NOD2: variants seen among roughly 807,000 people sequenced by gnomAD.
NOD2 encodes the protein nucleotide-binding oligomerization domain-containing protein 2.
NOD2 carries 86 observed loss-of-function variants against 90.9 expected under a neutral mutation model. The ratio of observed to expected loss-of-function variants is 0.95; its 90% CI spans 0.79 to 1.13. The LOEUF is 1.13. Ranked by LOEUF, NOD2 falls within the 50% of genes most tolerant of loss-of-function variation. NOD2 has a pLI of 0.00. For synonymous variants in NOD2, 581 were observed against 554.6 expected (o/e 1.05, Z -0.67); for missense variants, 1,238 against 1,283.8 (o/e 0.96, Z 0.55).
intron 11 of NOD2, among the ~76,000 whole-genome samples, chr16:50,731,497 G>A (rs1458254302): frequency 1.3e-5 from 2 of 152,178 alleles, no homozygotes; most frequent in African/African-American, 4.8e-5. Context: ...GCCTTGGGGA[G>A]TCTGTGGCTG....
At chr16:50,705,234 T>G (rs1293157352) in intron 2 of NOD2, among the ~76,000 whole-genome samples, 1 of 152,246 alleles carries the variant, frequency 6.6e-6, no homozygotes, top group Non-Finnish European at 1.5e-5. Context: ...ATCTTACTCT[T>G]GTTTTATGGA....
At chr16:50,723,278 T>C (rs1279126242) in intron 8 of NOD2, 23 bp from the exon 9 acceptor site, 2 of 1,611,124 alleles carry the variant, frequency 1.2e-6, no homozygotes, top group African/African-American at 2.7e-5. Context: ...TCTGACATAC[T>C]TTTGTTCCAT....
intron 10 of NOD2, chr16:50,727,563 C>T: frequency 3.5e-6 from 1 of 284,004 alleles, no homozygotes; most frequent in Admixed American, 3.9e-5. Flanking sequence ...TCTGCATCCT[C>T]CTGGTTGTGG....
intron 2 of NOD2, among the ~76,000 whole-genome samples, chr16:50,701,894 A>C (rs1490908624): frequency 6.6e-6 from 1 of 152,190 alleles, no homozygotes; most frequent in Non-Finnish European, 1.5e-5. Flanking sequence ...GAAATTTACA[A>C]CCTTAGGTGC....
At chr16:50,710,454 T>G in intron 3 of NOD2, 104 bp from the exon 4 acceptor site, 1 of 1,520,476 alleles carries the variant, frequency 6.6e-7, no homozygotes, top group Non-Finnish European at 9.1e-7. Context: ...CTGGCTCTCC[T>G]ATCCCTTCAG....
intron 10 of NOD2, chr16:50,727,511 A>C (rs1965308216): frequency 4.2e-6 from 1 of 239,076 alleles, no homozygotes. Flanking sequence ...TGTAGCATAA[A>C]AATTCATGCT....
intron 4 of NOD2, among the ~76,000 whole-genome samples, chr16:50,713,792 C>T (rs1157464852): frequency 1.3e-5 from 2 of 152,110 alleles, no homozygotes; most frequent in South Asian, 2.1e-4. Flanking sequence ...TGGAAGAATA[C>T]CGCTTGGCCC....
intron 1 of NOD2, chr16:50,697,815 A>G: frequency 4.8e-6 from 1 of 209,732 alleles, no homozygotes; most frequent in Non-Finnish European, 9.9e-6. Context: ...GCGTTCTGAG[A>G]GATTGGAGCT....
intron 7 of NOD2, among the ~76,000 whole-genome samples, chr16:50,721,374 T>TTTTG (rs1192135415): frequency 2.0e-5 from 3 of 150,780 alleles, no homozygotes; most frequent in East Asian, 1.9e-4. Flanking sequence ...TGGTTTTTTT[T>TTTTG]TTTGTTTGTT....
chr16:50,715,270 T>A (rs1227691861), intron 4 of NOD2, among the ~76,000 whole-genome samples: 1 of 152,234 alleles, frequency 6.6e-6, no homozygotes, highest in East Asian at 1.9e-4. Flanking sequence ...ACTGGCTTGT[T>A]GTGAGGATGA....
At position 50,711,640 on chromosome 16, in the gene NOD2, C is replaced by T; in HGVS notation, c.1648C>T (p.Pro550Ser). 1 of 1,612,796 alleles carries T rather than the reference C, an allele frequency of 6.2e-7. No homozygotes were observed. Among genetic ancestry groups the T allele is most frequent in the Non-Finnish European group, 8.5e-7 (1 of 1,179,982 alleles). Residue 550 changes from proline to serine, a missense_variant, in exon 4 of 12, where the codon CCT becomes TCT. Physicochemically the swap from Pro to Ser is moderately conservative, Grantham distance 74. Around this residue, in one of 3 missense-constraint regions of NOD2, gnomAD observed 667 missense variants for 688.7 expected, o/e 0.97. Transcript: ENST00000647318. ...AQQLQAAQVS[P>S]DDISLGFLVR... ...GCAGCTCCAGGCAGCACAGGTCAGC[C>T]CTGATGACATTTCTCTTGGCTTCCT...
chr16:50,731,890 G>C lies in NOD2; in HGVS notation c.*71G>C. ...TGAGTTTGGGCCCCAGAGGCTGGGT[G>C]ACATGTGTTGGCAGCCTCTTCAAAA... On this transcript the variant is annotated 3_prime_UTR_variant, in exon 12 of 12. Transcript: ENST00000647318. The C allele has an allele frequency of 8.6e-7, 1 of 1,165,914 alleles. No individual in the cohort carries two copies. Among genetic ancestry groups the C allele is most frequent in the African/African-American group, 1.5e-5 (1 of 66,306 alleles). The allele number at this position is 1,165,914 out of a possible 1,614,324, so 72.2% of individuals were successfully genotyped here.
At chr16:50,697,855 T>C (rs1596821026) in intron 1 of NOD2, 1 of 200,604 alleles carries the variant, frequency 5.0e-6, no homozygotes, top group East Asian at 1.4e-4. Context: ...GGCTACCGTA[T>C]GAGGACGGAT....
At chr16:50,728,261 C>A in intron 10 of NOD2, 1 of 294,970 alleles carries the variant, frequency 3.4e-6, no homozygotes. Context: ...CCAGTACACT[C>A]CTCATCTTCA....
At position 50,729,863 on chromosome 16, in the gene NOD2, G is replaced by A. The variant is rs773388366; in HGVS notation, c.2931G>A (p.Leu977=). 6.8e-6 allele frequency: 11 copies of A among 1,612,912 alleles called. No homozygotes were observed. The Admixed American group carries it at 1.7e-4, about 24-fold the overall frequency. Residue 977 remains leucine (L), a synonymous_variant, in exon 11 of 12, where the codon CTG becomes CTA. Transcript: ENST00000647318. ...CCTACCTAGGGGCAGAAGCCCTCCT[G>A]CAGGCCCTTGAAAGGAATGACACCA... ...CITYLGAEAL[L]QALERNDTIL... is the part of the protein sequence containing the mutation.
At chr16:50,727,895 T>G in intron 10 of NOD2, 1 of 287,726 alleles carries the variant, frequency 3.5e-6, no homozygotes, top group Non-Finnish European at 6.8e-6. Context: ...ACCATGACCT[T>G]TTTTTTTTGG....
intron 1 of NOD2, chr16:50,697,293 G>A (rs1353867731): frequency 6.4e-7 from 1 of 1,559,770 alleles, no homozygotes; most frequent in Non-Finnish European, 8.7e-7. Flanking sequence ...GAAAGAGCAA[G>A]TGTCCTCCTC....
At chr16:50,705,288 CTTTG>C (rs199826939) in intron 2 of NOD2, among the ~76,000 whole-genome samples, 1,883 of 152,162 alleles carry the variant, frequency 0.012, 40 homozygotes, top group African/African-American at 0.043. Flanking sequence ...TAGGTGGGTT[CTTTG>C]TTTGTTTGTT....
chr16:50,731,745 AG>A lies in NOD2; in HGVS notation c.2970del. Reference sequence around the variant, plus strand: ...AACCTCTGTTCACTTGATCTGCTTTAGGCTCCGAGGGAACACTTTCTCTCTA... The same window carrying A: ...AACCTCTGTTCACTTGATCTGCTTTAGCTCCGAGGGAACACTTTCTCTCTA... On this transcript the variant is annotated splice_acceptor_variant, in intron 11 of 11. Transcript: ENST00000647318. LOFTEE classifies it high-confidence loss of function. 6.2e-7 allele frequency: 1 copy of A among 1,610,570 alleles called. No individual in the cohort carries two copies. Among genetic ancestry groups the A allele is most frequent in the South Asian group, 1.1e-5 (1 of 91,016 alleles).
Sources: gnomAD v4.1 joint callset for allele counts (sites outside exome capture counted in the v4.1 genomes callset) on GRCh38, gnomAD v4.1.1 for gene constraint, gnomAD v4.1.1 regional missense constraint, MANE v1.5 for transcripts, NCBI Gene and HGNC (gene_info 2026-07-23, HGNC 2026-07-21) for gene names.